RAPGEF1: variants seen among roughly 807,000 people sequenced by gnomAD.
RAPGEF1 encodes CRK SH3-binding GNRP.
In RAPGEF1, 33 loss-of-function variants were observed where a neutral mutation model predicts 143.3. The ratio of observed to expected loss-of-function variants is 0.23; its 90% confidence interval spans 0.17 to 0.31. The LOEUF is 0.31. Ranked by LOEUF, RAPGEF1 falls within the 10% of genes least tolerant of loss-of-function variation. RAPGEF1 has a pLI of 1.00. For missense variants in RAPGEF1, 1,199 were observed against 1,645.4 expected (o/e 0.73, Z 4.69); for synonymous variants, 629 against 676.5 (o/e 0.93, Z 1.09).
intron 18 of RAPGEF1, among the ~76,000 whole-genome samples, chr9:131,590,698 C>T (rs1199302898): frequency 6.6e-6 from 1 of 152,238 alleles, no homozygotes; most frequent in African/African-American, 2.4e-5. Flanking sequence ...AGTCATGGGG[C>T]TCAGGACAGA....
chr9:131,696,096 G>A (rs901714679), intron 1 of RAPGEF1, among the ~76,000 whole-genome samples: 1 of 152,092 alleles, frequency 6.6e-6, no homozygotes, highest in Non-Finnish European at 1.5e-5. Context: ...CTGTGACCTC[G>A]CCTCACCACA....
intron 1 of RAPGEF1, among the ~76,000 whole-genome samples, chr9:131,651,501 A>G (rs1414271830): frequency 1.3e-5 from 2 of 152,088 alleles, no homozygotes; most frequent in Non-Finnish European, 2.9e-5. Flanking sequence ...TGTTCTCACC[A>G]CTCCTATCTG....
chr9:131,581,879 C>G (rs1951915707), intron 25 of RAPGEF1, among the ~76,000 whole-genome samples: 1 of 152,130 alleles, frequency 6.6e-6, no homozygotes, highest in South Asian at 2.1e-4. Context: ...GAGCAGGAAG[C>G]CTGGGGATTT....
intron 1 of RAPGEF1, among the ~76,000 whole-genome samples, chr9:131,718,527 G>A (rs1176811988): frequency 6.6e-6 from 1 of 152,178 alleles, no homozygotes; most frequent in Non-Finnish European, 1.5e-5. Flanking sequence ...CAGCAGAGGA[G>A]GTACTAAGAA....
intron 1 of RAPGEF1, among the ~76,000 whole-genome samples, chr9:131,708,273 G>A (rs1045560409): frequency 1.2e-4 from 19 of 152,136 alleles, no homozygotes; most frequent in Non-Finnish European, 1.5e-4. Context: ...AAATGCTACC[G>A]CAACTTCTTC....
chr9:131,643,036 C>T (rs570355008), intron 4 of RAPGEF1, among the ~76,000 whole-genome samples: 38 of 152,266 alleles, frequency 2.5e-4, no homozygotes, highest in Non-Finnish European at 3.1e-4. Flanking sequence ...AGATGTGTCC[C>T]GGGCTTCAGG....
intron 1 of RAPGEF1, among the ~76,000 whole-genome samples, chr9:131,688,480 T>C (rs1020073718): frequency 2.6e-5 from 4 of 152,178 alleles, no homozygotes; most frequent in African/African-American, 4.8e-5. Context: ...AAATAAAACG[T>C]ACAAGGGCCT....
intron 25 of RAPGEF1, among the ~76,000 whole-genome samples, chr9:131,581,701 CAAACAAAG>C (rs529515393): frequency 3.9e-5 from 6 of 152,240 alleles, no homozygotes; most frequent in African/African-American, 7.2e-5. Context: ...GACTCCATCA[CAAACAAAG>C]AAACAAAGAA....
chr9:131,658,655 G>A (rs564121062), intron 1 of RAPGEF1, among the ~76,000 whole-genome samples: 84 of 152,272 alleles, frequency 5.5e-4, no homozygotes, highest in African/African-American at 1.9e-3. Flanking sequence ...CTTCTCTACC[G>A]AGAGAGAAAG....
At chr9:131,590,793 A>C (rs1369332215) in intron 18 of RAPGEF1, among the ~76,000 whole-genome samples, 2 of 152,186 alleles carry the variant, frequency 1.3e-5, no homozygotes, top group African/African-American at 4.8e-5. Context: ...CAATATTTCC[A>C]TGATGGCTGA....
At chr9:131,609,138 A>G (rs773638136) in intron 12 of RAPGEF1, among the ~76,000 whole-genome samples, 12 of 151,822 alleles carry the variant, frequency 7.9e-5, no homozygotes, top group Admixed American at 1.3e-4. Flanking sequence ...CTGGCCCCCA[A>G]TGTCAGCCCT....
Position 131,655,647 on chromosome 9 carries a change from T to C in RAPGEF1, c.62-4698A>G, listed in dbSNP as rs1457274508. ...GGTACATGCCTATAGTCCCAGCTAC[T>C]CGGGAGGCTGAGGCAGGAGAATGGC... On this transcript the variant is annotated intron_variant, in intron 1 of 26. Coordinates refer to ENST00000683357, the MANE Select transcript of RAPGEF1 (RefSeq NM_001377935.1). The surrounding 1 kb of genome is among the most constrained non-coding windows in gnomAD (Gnocchi z 4.1). 6.6e-6 allele frequency among the ~76,000 whole-genome samples: 1 copy of C among 152,196 alleles called. No individual in the cohort carries two copies. Among genetic ancestry groups the C allele is most frequent in the Non-Finnish European group, 1.5e-5 (1 of 68,034 alleles).
At chr9:131,710,749 C>T (rs1253882453) in intron 1 of RAPGEF1, among the ~76,000 whole-genome samples, 3 of 152,056 alleles carry the variant, frequency 2.0e-5, no homozygotes, top group Admixed American at 6.6e-5. Flanking sequence ...ATTAGCCGGG[C>T]GTGGTGGGAC....
Position 131,586,692 on chromosome 9 carries a change from TCAAA to T in RAPGEF1, c.3233+1040_3233+1043del, listed in dbSNP as rs1361124423. 7.0e-5 allele frequency among the ~76,000 whole-genome samples: 6 copies of T among 86,060 alleles called. 1 individual carries two copies. The highest frequency in any genetic ancestry group is 2.5e-4 in the Admixed American group (2 of 7,880). 56.5% of individuals were successfully genotyped at this position (86,060 alleles called of 152,430 possible). On this transcript the variant is annotated intron_variant, in intron 22 of 26. Coordinates refer to ENST00000683357, the MANE Select transcript of RAPGEF1 (RefSeq NM_001377935.1). ...CACCCCTGCAGAGTGAGACTCCGTC[TCAAA>T]CACACACACACACCTGCAGAGCGAG...
At chr9:131,626,560 C>T in intron 9 of RAPGEF1, 138 bp from the exon 10 acceptor site, 1 of 775,384 alleles carries the variant, frequency 1.3e-6, no homozygotes, top group South Asian at 2.8e-5. Context: ...TTTATATTCA[C>T]ATGTTATATT....
chr9:131,699,769 C>A (rs1297114541), intron 1 of RAPGEF1, among the ~76,000 whole-genome samples: 1 of 152,158 alleles, frequency 6.6e-6, no homozygotes, highest in Non-Finnish European at 1.5e-5. Flanking sequence ...GGTGCTCCCT[C>A]ATCTCCTCCA....
chr9:131,698,165 A>G (rs1421340320), intron 1 of RAPGEF1, among the ~76,000 whole-genome samples: 2 of 152,208 alleles, frequency 1.3e-5, no homozygotes, highest in Non-Finnish European at 2.9e-5. Flanking sequence ...GCAAGCCACA[A>G]CAAGATGATC....
chr9:131,723,536 C>CT (rs1203971577), intron 1 of RAPGEF1, among the ~76,000 whole-genome samples: 3 of 152,214 alleles, frequency 2.0e-5, no homozygotes, highest in Non-Finnish European at 1.5e-5. Flanking sequence ...TGGTACTTGT[C>CT]TTTTTGTGAC....
intron 1 of RAPGEF1, among the ~76,000 whole-genome samples, chr9:131,676,234 C>G (rs1728287825): frequency 6.6e-6 from 1 of 152,198 alleles, no homozygotes. Flanking sequence ...TGGGCATGGG[C>G]AGCCGCTGGG....
Sources: allele counts gnomAD v4.1 joint callset (sites outside exome capture counted in the v4.1 genomes callset), GRCh38; gene constraint gnomAD v4.1.1; non-coding constraint Gnocchi (gnomAD v3.1); transcripts MANE v1.5; gene names NCBI Gene and HGNC (gene_info 2026-07-23, HGNC 2026-07-21).